SLFN12: variants seen among roughly 807,000 people sequenced by gnomAD.
SLFN12 encodes ribonuclease SLFN12.
Under a neutral mutation model 29.1 loss-of-function variants are expected in SLFN12, and 25 were observed. The observed-to-expected ratio is 0.86, with a 90% CI of 0.63 to 1.20. The LOEUF is 1.20. SLFN12 is among the 50% of genes most tolerant of loss of function. The pLI is 0.00. For synonymous variants in SLFN12, 257 were observed against 238.7 expected (o/e 1.08, Z -0.71); for missense variants, 660 against 666.2 (o/e 0.99, Z 0.10).
At chr17:35,418,153 T>C (rs1911425159) in intron 3 of SLFN12, among the ~76,000 whole-genome samples, 1 of 151,944 alleles carries the variant, frequency 6.6e-6, no homozygotes, top group Admixed American at 6.6e-5. Context: ...GCCTAGACAC[T>C]CTCAAAGAAA....
At chr17:35,421,743 C>G (rs1481184139) in intron 2 of SLFN12, among the ~76,000 whole-genome samples, 5 of 151,720 alleles carry the variant, frequency 3.3e-5, no homozygotes, top group Admixed American at 2.6e-4. Flanking sequence ...GTTTCACCAT[C>G]TTAGCCAGGG....
chr17:35,415,603 C>T (rs560848337), intron 3 of SLFN12, among the ~76,000 whole-genome samples: 1 of 152,006 alleles, frequency 6.6e-6, no homozygotes, highest in South Asian at 2.1e-4. Context: ...ATATTTGCAA[C>T]CTATGCATCT....
chr17:35,423,497 G>C (rs1350809408), intron 1 of SLFN12, among the ~76,000 whole-genome samples: 1 of 151,190 alleles, frequency 6.6e-6, no homozygotes, highest in African/African-American at 2.4e-5. Context: ...TCCATTTATG[G>C]GTATAAATCT....
intron 3 of SLFN12, 75 bp from the exon 4 acceptor site, chr17:35,412,002 T>TA (rs1251914625): frequency 2.6e-6 from 3 of 1,139,808 alleles, no homozygotes; most frequent in Non-Finnish European, 3.6e-6. Context: ...AAGTAGCTTG[T>TA]AAAAAACCAA....
chr17:35,421,304 A>G lies in SLFN12; in HGVS notation c.1039+686T>C, dbSNP rs151186237. Among the ~76,000 whole-genome samples, 192 of 151,664 alleles carry G rather than the reference A, an allele frequency of 1.3e-3. 1 individual carries two copies. The highest frequency in any genetic ancestry group is 4.4e-3 in the African/African-American group (183 of 41,488). Reference sequence around the variant, plus strand: ...AAGGAGCAAGTAAGTAAAAGAGGCAAATGTTCCTGAAAGAAAGCAATGGTT... The same window carrying G: ...AAGGAGCAAGTAAGTAAAAGAGGCAGATGTTCCTGAAAGAAAGCAATGGTT... On this transcript the variant is annotated intron_variant, in intron 2 of 3. Coordinates refer to ENST00000304905, the MANE Select transcript of SLFN12 (RefSeq NM_018042.5).
intron 1 of SLFN12, among the ~76,000 whole-genome samples, chr17:35,428,142 T>C (rs1912113778): frequency 6.6e-6 from 1 of 152,164 alleles, no homozygotes; most frequent in South Asian, 2.1e-4. Flanking sequence ...AGAGTGTATA[T>C]ATGTACACAC....
chr17:35,414,388 A>G (rs1911202486), intron 3 of SLFN12, among the ~76,000 whole-genome samples: 1 of 152,118 alleles, frequency 6.6e-6, no homozygotes, highest in Non-Finnish European at 1.5e-5. Flanking sequence ...AATACTTGAT[A>G]ATAAATGTTA....
intron 3 of SLFN12, among the ~76,000 whole-genome samples, chr17:35,414,993 C>T (rs113545435): frequency 0.01 from 1,571 of 150,844 alleles, 35 homozygotes; most frequent in African/African-American, 0.035. Flanking sequence ...CATCATTCTT[C>T]GCAGAACTAG....
intron 2 of SLFN12, among the ~76,000 whole-genome samples, chr17:35,421,213 TAAATAAA>T (rs960182010): frequency 1.9e-4 from 16 of 82,650 alleles, no homozygotes; most frequent in Admixed American, 1.9e-3. Context: ...CGTCTCAAAA[TAAATAAA>T]TAAATAAATA....
chr17:35,425,591 C>G (rs1243016529), intron 1 of SLFN12, among the ~76,000 whole-genome samples: 2 of 151,986 alleles, frequency 1.3e-5, no homozygotes, highest in Admixed American at 1.3e-4. Context: ...TCAAAAATGA[C>G]AGGATTTCCT....
At chr17:35,414,712 A>G (rs1044510311) in intron 3 of SLFN12, among the ~76,000 whole-genome samples, 1 of 152,102 alleles carries the variant, frequency 6.6e-6, no homozygotes. Flanking sequence ...GTACTGCTAT[A>G]CAGCAAGAGT....
chr17:35,425,965 C>G (rs1383615427), intron 1 of SLFN12, among the ~76,000 whole-genome samples: 11 of 143,682 alleles, frequency 7.7e-5, no homozygotes, highest in Admixed American at 7.1e-4. Context: ...CTTTTTATCT[C>G]TTGTCTTTTT....
chr17:35,431,619 T>C (rs78016532), intron 1 of SLFN12, among the ~76,000 whole-genome samples: 9,218 of 152,160 alleles, frequency 0.061, 516 homozygotes, highest in South Asian at 0.26. Context: ...TGACCTTAGG[T>C]GGTCACCAGT....
intron 3 of SLFN12, among the ~76,000 whole-genome samples, chr17:35,419,550 C>G (rs906447449): frequency 6.6e-6 from 1 of 151,986 alleles, no homozygotes; most frequent in African/African-American, 2.4e-5. Flanking sequence ...CAGGGAAATG[C>G]ACATCACAAA....
chr17:35,422,488 C>T lies in SLFN12; in HGVS notation c.541G>A (p.Ala181Thr). The T allele has an allele frequency of 6.2e-7, 1 of 1,613,112 alleles. No individual in the cohort carries two copies. The highest frequency in any genetic ancestry group is 8.5e-7 in the Non-Finnish European group (1 of 1,179,768). ...IQEENNMKALAGVFFDRTELD... is the reference protein window; with the variant it reads ...IQEENNMKALTGVFFDRTELD... ...TCTGTTCTATCAAAAAAAACCCCGG[C>T]CAAGGCCTTCATGTTATTTTCTTCT... Residue 181 changes from alanine (A) to threonine (T), a missense_variant, in exon 2 of 4, where the codon GCC becomes ACC. Ala to Thr is a moderately conservative substitution (Grantham distance 58). Coordinates refer to ENST00000304905, the MANE Select transcript of SLFN12 (RefSeq NM_018042.5).
In SLFN12 at chr17:35,426,257, T is replaced by C. The variant is rs1567851948; in HGVS notation, c.-40-3189A>G. 2.0e-5 allele frequency among the ~76,000 whole-genome samples: 3 copies of C among 152,226 alleles called. No homozygotes were observed. In the South Asian group the frequency reaches 6.2e-4, roughly 32 times the overall value. ...CATTCTGTAGCCTATTCTTTTACTCTGTTGATTTTTTCCTTTACTGTGCAG... is the reference window on the plus strand; with the variant it reads ...CATTCTGTAGCCTATTCTTTTACTCCGTTGATTTTTTCCTTTACTGTGCAG... On this transcript the variant is annotated intron_variant, in intron 1 of 3. Transcript: ENST00000304905.
At chr17:35,421,850 A>C in intron 2 of SLFN12, 140 bp downstream of exon 2, 2 of 1,201,564 alleles carry the variant, frequency 1.7e-6, no homozygotes, top group South Asian at 1.6e-5. Context: ...GAGGCAGGGA[A>C]CTATTGATTG....
At position 35,411,187 on chromosome 17, in the gene SLFN12, T is replaced by C. The variant is rs1042361122; in HGVS notation, c.*151A>G. ...TCAAACAATATCTGTGAAGATTATT[T>C]AGGGAGAAGTGAAAATAGACAAAAC... On this transcript the variant is annotated 3_prime_UTR_variant, in exon 4 of 4. Transcript: ENST00000304905. 1.4e-5 allele frequency: 8 copies of C among 572,422 alleles called. No individual in the cohort carries two copies. Among genetic ancestry groups the C allele is most frequent in the East Asian group, 5.9e-5 (2 of 33,886 alleles). 35.5% of individuals were successfully genotyped at this position (572,422 alleles called of 1,614,324 possible). A position where few individuals can be genotyped will look rare whatever the true frequency, so the allele number is the denominator to read the frequency against.
intron 3 of SLFN12, among the ~76,000 whole-genome samples, chr17:35,419,558 A>G (rs1005288750): frequency 6.6e-6 from 1 of 152,134 alleles, no homozygotes; most frequent in Non-Finnish European, 1.5e-5. Flanking sequence ...TGCACATCAC[A>G]AAGACATACC....
Sources: gnomAD v4.1 joint callset for allele counts (sites outside exome capture counted in the v4.1 genomes callset) on GRCh38, gnomAD v4.1.1 for gene constraint, MANE v1.5 for transcripts, NCBI Gene and HGNC (gene_info 2026-07-23, HGNC 2026-07-21) for gene names.